CUX1: variants seen among roughly 807,000 people sequenced by gnomAD.
CUX1 encodes protein CASP.
Under a neutral mutation model 158.8 loss-of-function variants are expected in CUX1, and 31 were observed. The ratio of observed to expected loss-of-function variants is 0.20; its 90% CI spans 0.15 to 0.26. CUX1 has a LOEUF of 0.26. CUX1 is among the 10% of genes least tolerant of loss of function. CUX1 has a pLI of 1.00. For synonymous variants in CUX1, 879 were observed against 862.1 expected, an observed-to-expected ratio of 1.02 and a Z score of -0.34; for missense variants, 1,589 against 2,014.6, an observed-to-expected ratio of 0.79 and a Z score of 4.04.
At chr7:102,027,998 T>G (rs1820245042) in intron 2 of CUX1, 100 bp from the exon 3 acceptor site, 1 of 1,249,192 alleles carries the variant, frequency 8.0e-7, no homozygotes, top group Admixed American at 1.9e-5. Flanking sequence ...TAGTGATAAT[T>G]AGCACTGACT....
At chr7:101,964,502 T>C (rs916720340) in intron 2 of CUX1, among the ~76,000 whole-genome samples, 2 of 152,228 alleles carry the variant, frequency 1.3e-5, no homozygotes, top group African/African-American at 4.8e-5. Flanking sequence ...ATCCCGATTC[T>C]AAGAAGTCAA....
intron 8 of CUX1, among the ~76,000 whole-genome samples, chr7:102,145,086 TAA>T (rs59225537): frequency 0.02 from 2,317 of 118,728 alleles, 55 homozygotes; most frequent in African/African-American, 0.067. Flanking sequence ...GACTCCGTCT[TAA>T]AAAAAAAAAA....
In CUX1 at chr7:102,248,506, C is replaced by T; in HGVS notation, c.3982C>T (p.Arg1328Trp). 2 of 1,556,344 alleles carry T rather than the reference C, an allele frequency of 1.3e-6. No homozygotes were observed. Among genetic ancestry groups the T allele is most frequent in the Non-Finnish European group, 8.7e-7 (1 of 1,154,820 alleles). ...ASDSPSARSG[R>W]AAPSSEGDSC... ...CGACTCACCCTCGGCCCGCAGCGGCCGGGCGGCGCCCAGCTCGGAGGGCGA... is the reference window on the plus strand; with the variant it reads ...CGACTCACCCTCGGCCCGCAGCGGCTGGGCGGCGCCCAGCTCGGAGGGCGA... The change falls in exon 24 of 24, where the codon CGG becomes TGG. Residue 1328 changes from arginine (R) to tryptophan (W), a missense_variant. Around this residue, in one of 8 missense-constraint regions of CUX1, gnomAD observed 344 missense variants for 323.7 expected, o/e 1.06. Coordinates refer to ENST00000292535, the MANE Select transcript of CUX1 (RefSeq NM_181552.4). The surrounding 1 kb of genome is among the most constrained non-coding windows in gnomAD (Gnocchi z 5.8).
chr7:102,248,114 C>G lies in CUX1; in HGVS notation c.3888-298C>G, dbSNP rs554851717. 5.3e-5 allele frequency among the ~76,000 whole-genome samples: 8 copies of G among 152,306 alleles called. No individual in the cohort carries two copies. The highest frequency in any genetic ancestry group is 1.0e-4 in the Non-Finnish European group (7 of 68,022). ...CCACTGCACTCCACCTGGGCAGCAA[C>G]AGGGAAATTCTGTCTCAAAAAATAA... On this transcript the variant is annotated intron_variant, in intron 23 of 23. Coordinates refer to ENST00000292535, the MANE Select transcript of CUX1 (RefSeq NM_181552.4). The surrounding 1 kb of genome is among the most constrained non-coding windows in gnomAD (Gnocchi z 5.8).
rs2130596006 is a variant in CUX1, at chr7:102,071,442, C to T, written c.268+1025C>T. 1.3e-5 allele frequency among the ~76,000 whole-genome samples: 2 copies of T among 152,214 alleles called. 1 individual carries two copies. Among genetic ancestry groups the T allele is most frequent in the Admixed American group, 1.3e-4 (2 of 15,280 alleles). Reference sequence around the variant, plus strand: ...TTAGAATCTGGAGTAAGGTGATGGACATAACTATGTGGGGCCCAGCTCAGC... The same window carrying T: ...TTAGAATCTGGAGTAAGGTGATGGATATAACTATGTGGGGCCCAGCTCAGC... On this transcript the variant is annotated intron_variant, in intron 4 of 23. Transcript: ENST00000292535.
intron 2 of CUX1, among the ~76,000 whole-genome samples, chr7:101,955,479 C>T (rs1809649816): frequency 6.6e-6 from 1 of 152,158 alleles, no homozygotes; most frequent in Non-Finnish European, 1.5e-5. Context: ...AGAGAGTAAC[C>T]GAGCTGGAGT....
chr7:102,258,952 C>T (rs781807144), downstream of CUX1, among the ~76,000 whole-genome samples: 72 of 152,214 alleles, frequency 4.7e-4, no homozygotes, highest in African/African-American at 1.5e-3. Context: ...GGCTTCTCCG[C>T]GCAGTTGTGA....
Position 102,248,045 on chromosome 7 carries a change from C to T in CUX1, c.3888-367C>T, listed in dbSNP as rs781971741. ...ACTCTGGAGGCTGAGGCAGGAGAAT[C>T]GCTTGAACCCAGGAGGCAGAGGTTG... On this transcript the variant is annotated intron_variant, in intron 23 of 23. Transcript: ENST00000292535. The surrounding 1 kb of genome is among the most constrained non-coding windows in gnomAD (Gnocchi z 5.8). 3.7e-4 allele frequency among the ~76,000 whole-genome samples: 56 copies of T among 152,178 alleles called. No homozygotes were observed. Among genetic ancestry groups the T allele is most frequent in the Non-Finnish European group, 7.5e-4 (51 of 68,026 alleles).
chr7:102,120,598 TTAGAG>T (rs1470051997), intron 8 of CUX1, among the ~76,000 whole-genome samples: 1 of 152,234 alleles, frequency 6.6e-6, no homozygotes, highest in Non-Finnish European at 1.5e-5. Context: ...TAGGTTAATT[TTAGAG>T]TATTTTCTTT....
intron 2 of CUX1, among the ~76,000 whole-genome samples, chr7:101,975,486 G>T (rs941668249): frequency 2.6e-5 from 4 of 152,038 alleles, no homozygotes; most frequent in African/African-American, 9.7e-5. Context: ...GAGCCCAGGA[G>T]TTCGAGGCTG....
chr7:101,915,071 C>G (rs1438172935), intron 1 of CUX1, among the ~76,000 whole-genome samples: 1 of 152,096 alleles, frequency 6.6e-6, no homozygotes, highest in Non-Finnish European at 1.5e-5. Context: ...GGGTGATGGT[C>G]CCAACCGTGA....
At chr7:101,848,189 T>C (rs535247714) in intron 1 of CUX1, among the ~76,000 whole-genome samples, 1 of 152,312 alleles carries the variant, frequency 6.6e-6, no homozygotes, top group Admixed American at 6.5e-5. Context: ...TGGGTGTGTA[T>C]TGACGTTGTT....
At chr7:102,032,374 C>T (rs1033551735) in intron 3 of CUX1, among the ~76,000 whole-genome samples, 9 of 151,648 alleles carry the variant, frequency 5.9e-5, no homozygotes, top group African/African-American at 2.2e-4. Flanking sequence ...CCAGCCTGGT[C>T]AATATAGTGA....
At chr7:102,125,111 C>T (rs1832480629) in intron 8 of CUX1, among the ~76,000 whole-genome samples, 1 of 152,022 alleles carries the variant, frequency 6.6e-6, no homozygotes, top group African/African-American at 2.4e-5. Context: ...TGAAAACTAC[C>T]TCAAAAGACC....
At chr7:102,002,708 A>G (rs1816831198) in intron 2 of CUX1, among the ~76,000 whole-genome samples, 2 of 152,096 alleles carry the variant, frequency 1.3e-5, no homozygotes, top group Non-Finnish European at 2.9e-5. Flanking sequence ...AGAGCATCGC[A>G]GCGGAATTCT....
chr7:101,923,567 A>T (rs1805227090), intron 2 of CUX1, among the ~76,000 whole-genome samples: 1 of 152,118 alleles, frequency 6.6e-6, no homozygotes, highest in Non-Finnish European at 1.5e-5. Context: ...CTGGGAGGAG[A>T]GCCGAGCTGC....
intron 1 of CUX1, among the ~76,000 whole-genome samples, chr7:101,859,786 A>G (rs1324219414): frequency 6.6e-5 from 10 of 152,134 alleles, no homozygotes. Context: ...AGATCCTAGC[A>G]GAAGGTTGCT....
At chr7:102,149,005 G>A (rs75235371) in intron 8 of CUX1, among the ~76,000 whole-genome samples, 10,058 of 151,988 alleles carry the variant, frequency 0.066, 446 homozygotes, top group African/African-American at 0.12. Flanking sequence ...TCATTAACTC[G>A]TTCCTTTTTA....
chr7:101,863,612 C>T (rs1797680234), intron 1 of CUX1, among the ~76,000 whole-genome samples: 1 of 152,178 alleles, frequency 6.6e-6, no homozygotes, highest in East Asian at 1.9e-4. Context: ...CGGCCTCCCA[C>T]AGTGTGGGGA....
Sources: allele counts gnomAD v4.1 joint callset (sites outside exome capture counted in the v4.1 genomes callset), GRCh38; gene constraint gnomAD v4.1.1; regional missense constraint gnomAD v4.1.1; non-coding constraint Gnocchi (gnomAD v3.1); transcripts MANE v1.5; gene names NCBI Gene and HGNC (gene_info 2026-07-23, HGNC 2026-07-21).